DENND1B: variants seen among roughly 807,000 people sequenced by gnomAD.
The protein encoded by DENND1B is DENN domain-containing protein 1B.
DENND1B carries 59 observed loss-of-function variants against 90.1 expected under a neutral mutation model. The observed-to-expected ratio is 0.65, with a 90% confidence interval of 0.53 to 0.81. DENND1B has a LOEUF of 0.81. DENND1B is among the 40% of genes least tolerant of loss of function. The pLI is 0.00. For synonymous variants in DENND1B, 337 were observed against 324.6 expected, an observed-to-expected ratio of 1.04 and a Z score of -0.41; for missense variants, 862 against 912.6, an observed-to-expected ratio of 0.94 and a Z score of 0.71.
intron 14 of DENND1B, among the ~76,000 whole-genome samples, chr1:197,592,951 C>T (rs1675366596): frequency 6.6e-6 from 1 of 152,006 alleles, no homozygotes; most frequent in Admixed American, 6.6e-5. Context: ...TAGCAGGATA[C>T]TCCTTAAATA....
chr1:197,738,387 T>C (rs1039400307), intron 2 of DENND1B, among the ~76,000 whole-genome samples: 2 of 152,210 alleles, frequency 1.3e-5, no homozygotes, highest in African/African-American at 4.8e-5. Flanking sequence ...AACTACATCT[T>C]ATACCCAGGG....
At chr1:197,584,574 C>G (rs996215491) in intron 14 of DENND1B, among the ~76,000 whole-genome samples, 5 of 152,080 alleles carry the variant, frequency 3.3e-5, no homozygotes, top group African/African-American at 4.8e-5. Context: ...GAAGACAATT[C>G]GATAAACTCT....
At chr1:197,606,913 G>C in intron 13 of DENND1B, 160 bp downstream of exon 13, 1 of 588,914 alleles carries the variant, frequency 1.7e-6, no homozygotes, top group Non-Finnish European at 3.0e-6. Context: ...CTGCTAAAAG[G>C]TAAAAATATT....
At chr1:197,643,303 C>A (rs1441553735) in intron 9 of DENND1B, among the ~76,000 whole-genome samples, 2 of 151,890 alleles carry the variant, frequency 1.3e-5, no homozygotes, top group East Asian at 3.9e-4. Flanking sequence ...TACAGGTGCA[C>A]GCCACCACAT....
intron 10 of DENND1B, among the ~76,000 whole-genome samples, chr1:197,623,547 T>C (rs1274699135): frequency 1.3e-5 from 2 of 151,460 alleles, no homozygotes; most frequent in South Asian, 2.1e-4. Flanking sequence ...TTTTACATAA[T>C]GCAAAAACAA....
chr1:197,624,371 C>CA (rs954060789), intron 10 of DENND1B, among the ~76,000 whole-genome samples: 29 of 151,342 alleles, frequency 1.9e-4, no homozygotes, highest in Admixed American at 1.1e-3. Flanking sequence ...ATCCACATGC[C>CA]AAAAAAATGA....
rs1667842106 is a variant in DENND1B at position 197,508,712 on chromosome 1, GA to G, written c.*1747del. On this transcript the variant is annotated 3_prime_UTR_variant, in exon 23 of 23. Coordinates refer to ENST00000620048, the MANE Select transcript of DENND1B (RefSeq NM_001195215.2). ...ATTTCTTGAACATCTTTTCTAAAAA[GA>G]AATGTAAAAAAAATCATGATTGGGG... 1 of 151,448 alleles carries G rather than the reference GA, an allele frequency of 6.6e-6. No individual in the cohort carries two copies. Among genetic ancestry groups the G allele is most frequent in the South Asian group, 2.1e-4 (1 of 4,810 alleles). 9.4% of individuals were successfully genotyped at this position (151,448 alleles called of 1,614,324 possible).
In DENND1B at chr1:197,768,496, A is replaced by T. The variant is rs1226841181; in HGVS notation, c.82+4372T>A. Among the ~76,000 whole-genome samples, 7 of 152,164 alleles carry T rather than the reference A, an allele frequency of 4.6e-5. No homozygotes were observed. In the East Asian group the frequency reaches 1.2e-3, roughly 25 times the overall value. ...GACTTCTGTTAACAGAATTGAGGAG[A>T]GGCCATCACTGCTGGCTGTACTTCC... On this transcript the variant is annotated intron_variant, in intron 2 of 22. Coordinates refer to ENST00000620048, the MANE Select transcript of DENND1B (RefSeq NM_001195215.2).
Position 197,505,038 on chromosome 1 carries a change from G to C in DENND1B, c.*5422C>G, listed in dbSNP as rs529193913. ...CCTTTTAAATAGTTTTTCATCTAAC[G>C]CAAGAGAAATAAACTTTGGAAAAGT... On this transcript the variant is annotated 3_prime_UTR_variant, in exon 23 of 23. Transcript: ENST00000620048. The C allele has an allele frequency of 6.6e-6, 1 of 151,606 alleles. No individual in the cohort carries two copies. Among genetic ancestry groups the C allele is most frequent in the African/African-American group, 2.4e-5 (1 of 41,330 alleles). 9.4% of individuals were successfully genotyped at this position (151,606 alleles called of 1,614,324 possible).
chr1:197,567,947 C>G (rs796112021), intron 15 of DENND1B, among the ~76,000 whole-genome samples: 109 of 145,666 alleles, frequency 7.5e-4, no homozygotes, highest in African/African-American at 2.7e-3. Context: ...CTAGTTAGAG[C>G]AATTCATGAG....
At chr1:197,660,766 G>T (rs1033137759) in intron 5 of DENND1B, among the ~76,000 whole-genome samples, 12 of 152,102 alleles carry the variant, frequency 7.9e-5, no homozygotes, top group African/African-American at 2.7e-4. Flanking sequence ...TCTATGTCCA[G>T]ACAAACTATC....
intron 3 of DENND1B, among the ~76,000 whole-genome samples, chr1:197,675,765 T>C (rs144274976): frequency 3.5e-4 from 54 of 152,246 alleles, no homozygotes; most frequent in Admixed American, 1.4e-3. Context: ...TCCTATAAAA[T>C]TGTCCACATA....
At chr1:197,749,289 A>T (rs1219124140) in intron 2 of DENND1B, among the ~76,000 whole-genome samples, 1 of 152,138 alleles carries the variant, frequency 6.6e-6, no homozygotes, top group Non-Finnish European at 1.5e-5. Context: ...AAATTTATAG[A>T]CCCAAGAAGC....
At chr1:197,554,663 C>G (rs1440832776) in intron 15 of DENND1B, among the ~76,000 whole-genome samples, 1 of 149,476 alleles carries the variant, frequency 6.7e-6, no homozygotes, top group African/African-American at 2.4e-5. Flanking sequence ...CATGGTGAAA[C>G]TCCATCTCTA....
intron 12 of DENND1B, among the ~76,000 whole-genome samples, chr1:197,609,140 C>T (rs1676959752): frequency 6.7e-6 from 1 of 149,362 alleles, no homozygotes; most frequent in African/African-American, 2.4e-5. Flanking sequence ...TTATGAGATA[C>T]AAAATTAAGA....
At chr1:197,772,054 C>T (rs563058893) in intron 2 of DENND1B, among the ~76,000 whole-genome samples, 2 of 152,220 alleles carry the variant, frequency 1.3e-5, no homozygotes, top group Admixed American at 6.5e-5. Flanking sequence ...TTCACACTAT[C>T]GTTTACCTCC....
chr1:197,579,004 G>C (rs1035921064), intron 15 of DENND1B, among the ~76,000 whole-genome samples: 2 of 152,176 alleles, frequency 1.3e-5, no homozygotes, highest in African/African-American at 4.8e-5. Context: ...AAGGCTTTCC[G>C]AGTGATTCAG....
chr1:197,692,439 T>C (rs535475522), intron 3 of DENND1B, among the ~76,000 whole-genome samples: 76 of 151,968 alleles, frequency 5.0e-4, no homozygotes, highest in African/African-American at 1.6e-3. Flanking sequence ...GTAGCCTCAG[T>C]ATCAAGTTCC....
chr1:197,681,432 T>C (rs1194921081), intron 3 of DENND1B, among the ~76,000 whole-genome samples: 2 of 152,146 alleles, frequency 1.3e-5, no homozygotes, highest in African/African-American at 4.8e-5. Flanking sequence ...ATATTTTCAA[T>C]TTAAGGGGGA....
Sources: allele counts gnomAD v4.1 joint callset (sites outside exome capture counted in the v4.1 genomes callset), GRCh38; gene constraint gnomAD v4.1.1; transcripts MANE v1.5; gene names NCBI Gene and HGNC (gene_info 2026-07-23, HGNC 2026-07-21).